TNFSF4: variants seen among roughly 807,000 people sequenced by gnomAD.
The protein encoded by TNFSF4 is tumor necrosis factor ligand superfamily member 4.
Under a neutral mutation model 7.3 loss-of-function variants are expected in TNFSF4, and 4 were observed. The observed-to-expected ratio is 0.55, with a 90% CI of 0.27 to 1.25. The LOEUF (loss-of-function observed/expected upper bound fraction) is 1.25, where lower values mean the gene tolerates loss of function less well. TNFSF4 is among the 50% of genes most tolerant of loss of function. The probability of loss-of-function intolerance (pLI) is 0.12; values close to 1 mark genes in which losing one functional copy is unlikely to be tolerated. For synonymous variants in TNFSF4, 76 were observed against 83.7 expected, an observed-to-expected ratio of 0.91 and a Z score of 0.50; for missense variants, 181 against 208.8, an observed-to-expected ratio of 0.87 and a Z score of 0.82.
chr1:173,244,413 T>C, the TNFSF4 span, among the ~76,000 whole-genome samples: 1 of 151,510 alleles, frequency 6.6e-6, no homozygotes, highest in South Asian at 2.1e-4. Flanking sequence ...GAGGCCGAGG[T>C]GGGCGGATCA....
the TNFSF4 span, among the ~76,000 whole-genome samples, chr1:173,312,150 T>A: frequency 1.3e-5 from 2 of 152,060 alleles, no homozygotes; most frequent in African/African-American, 4.8e-5. Context: ...AATTCTAAGG[T>A]TTTTCCTGTA....
At chr1:173,300,418 C>T in the TNFSF4 span, among the ~76,000 whole-genome samples, 7 of 151,692 alleles carry the variant, frequency 4.6e-5, no homozygotes, top group Non-Finnish European at 1.5e-5. Flanking sequence ...TTTACTTTAC[C>T]AGCCCTTAGT....
chr1:173,438,078 G>T, the TNFSF4 span, among the ~76,000 whole-genome samples: 1 of 151,888 alleles, frequency 6.6e-6, no homozygotes, highest in Non-Finnish European at 1.5e-5. Context: ...AACATGGTAT[G>T]TCCCCCAGTA....
chr1:173,314,623 CT>C, the TNFSF4 span, among the ~76,000 whole-genome samples: 13 of 152,134 alleles, frequency 8.5e-5, no homozygotes, highest in African/African-American at 3.1e-4. Flanking sequence ...TCTCTATTTT[CT>C]TTCTAGTATG....
chr1:173,230,230 T>C, the TNFSF4 span, among the ~76,000 whole-genome samples: 2 of 152,286 alleles, frequency 1.3e-5, no homozygotes, highest in East Asian at 1.9e-4. Context: ...TATAACAGTC[T>C]CTCAGACCAC....
At chr1:173,406,723 G>A in the TNFSF4 span, among the ~76,000 whole-genome samples, 3 of 152,180 alleles carry the variant, frequency 2.0e-5, no homozygotes, top group African/African-American at 4.8e-5. Flanking sequence ...CCAGTGGGGC[G>A]ATTGCCCTGC....
At chr1:173,357,762 C>T in the TNFSF4 span, among the ~76,000 whole-genome samples, 2 of 152,010 alleles carry the variant, frequency 1.3e-5, no homozygotes, top group African/African-American at 2.4e-5. Flanking sequence ...CTCAAACTCC[C>T]GACCTCAGGT....
At chr1:173,239,403 G>A in the TNFSF4 span, among the ~76,000 whole-genome samples, 1 of 152,144 alleles carries the variant, frequency 6.6e-6, no homozygotes, top group Non-Finnish European at 1.5e-5. Context: ...TAAACGCAGG[G>A]CATAGGAATC....
the TNFSF4 span, among the ~76,000 whole-genome samples, chr1:173,402,580 G>A: frequency 7.9e-5 from 12 of 152,182 alleles, no homozygotes; most frequent in African/African-American, 2.7e-4. Context: ...AAGCCAACTG[G>A]AAAAGGGGTA....
At chr1:173,247,907 T>TA in the TNFSF4 span, among the ~76,000 whole-genome samples, 1 of 152,218 alleles carries the variant, frequency 6.6e-6, no homozygotes, top group Non-Finnish European at 1.5e-5. Context: ...GAATTTATAA[T>TA]AAAGTGAACA....
chr1:173,371,031 C>A, the TNFSF4 span, among the ~76,000 whole-genome samples: 14 of 152,198 alleles, frequency 9.2e-5, no homozygotes, highest in African/African-American at 3.4e-4. Context: ...CAGAAGCCCC[C>A]AACCAGATGA....
At chr1:173,279,667 G>A in the TNFSF4 span, among the ~76,000 whole-genome samples, 21 of 152,130 alleles carry the variant, frequency 1.4e-4, no homozygotes, top group Middle Eastern at 3.4e-3. Context: ...GGCAATCATC[G>A]TAATTGCCTT....
chr1:173,370,705 G>A, the TNFSF4 span, among the ~76,000 whole-genome samples: 172 of 151,804 alleles, frequency 1.1e-3, no homozygotes, highest in Non-Finnish European at 1.9e-3. Context: ...ATCTGGAGGC[G>A]TTATTAAACC....
chr1:173,206,875 GTTTAACCACAC>G, intron 1 of TNFSF4, 138 bp downstream of exon 1: 2 of 896,844 alleles, frequency 2.2e-6, no homozygotes, highest in Admixed American at 6.1e-5. Context: ...ACAGAAGGGC[GTTTAACCACAC>G]TTTACGATTG....
the TNFSF4 span, among the ~76,000 whole-genome samples, chr1:173,240,236 T>C: frequency 6.6e-6 from 1 of 152,208 alleles, no homozygotes; most frequent in East Asian, 1.9e-4. Flanking sequence ...TGGCACACTA[T>C]CATTATCAGT....
chr1:173,427,198 G>A, the TNFSF4 span, among the ~76,000 whole-genome samples: 227 of 152,320 alleles, frequency 1.5e-3, 2 homozygotes, highest in African/African-American at 5.2e-3. Context: ...CACTTGAAAC[G>A]TTAAAGGCTG....
At chr1:173,433,310 C>T in the TNFSF4 span, among the ~76,000 whole-genome samples, 4 of 152,166 alleles carry the variant, frequency 2.6e-5, no homozygotes, top group Admixed American at 2.6e-4. Context: ...TACTCATATA[C>T]AGACTTGCAG....
chr1:173,208,242 C>T (rs1650266257), upstream of TNFSF4, among the ~76,000 whole-genome samples: 1 of 152,114 alleles, frequency 6.6e-6, no homozygotes, highest in Non-Finnish European at 1.5e-5. Flanking sequence ...TTACTGAGTA[C>T]ATCACATGAG....
intron 1 of TNFSF4, among the ~76,000 whole-genome samples, chr1:173,194,950 G>GTTTCAAATGTATTATCCC (rs1245040442): frequency 1.3e-4 from 19 of 150,522 alleles, no homozygotes; most frequent in African/African-American, 4.6e-4. Context: ...GCTATGCACT[G>GTTTCAAATGTATTATCCC]TTTCAAATGT....
Sources: gnomAD v4.1 joint callset for allele counts (sites outside exome capture counted in the v4.1 genomes callset) on GRCh38, gnomAD v4.1.1 for gene constraint, MANE v1.5 for transcripts, NCBI Gene and HGNC (gene_info 2026-07-23, HGNC 2026-07-21) for gene names.